CTNNA3: variants seen among roughly 807,000 people sequenced by gnomAD.
CTNNA3 encodes the protein catenin alpha 3.
Under a neutral mutation model 95.7 loss-of-function variants are expected in CTNNA3, and 76 were observed. The ratio of observed to expected loss-of-function variants is 0.79; its 90% CI spans 0.66 to 0.96. CTNNA3 has a LOEUF of 0.96. Among genes scored for constraint, CTNNA3 ranks in the 40% least tolerant of loss-of-function variants. The pLI, the probability that CTNNA3 is intolerant of heterozygous loss-of-function variation, is 0.00. For synonymous variants in CTNNA3, 431 were observed against 374.4 expected (o/e 1.15, Z -1.74); for missense variants, 1,191 against 1,089.8 (o/e 1.09, Z -1.31).
At chr10:67,755,543 T>C (rs1369070815) in intron 1 of CTNNA3, among the ~76,000 whole-genome samples, 3 of 151,916 alleles carry the variant, frequency 2.0e-5, no homozygotes, top group African/African-American at 7.3e-5. Context: ...GGCTCATGCC[T>C]GTAATCCCAG....
intron 9 of CTNNA3, among the ~76,000 whole-genome samples, chr10:66,753,489 C>A (rs1219457110): frequency 6.6e-6 from 1 of 151,906 alleles, no homozygotes; most frequent in African/African-American, 2.4e-5. Context: ...ATGGTGAAAC[C>A]CTGTCTCTAC....
At chr10:66,398,646 G>C (rs373187147) in intron 11 of CTNNA3, among the ~76,000 whole-genome samples, 6 of 151,464 alleles carry the variant, frequency 4.0e-5, no homozygotes, top group African/African-American at 1.2e-4. Flanking sequence ...GGAAAAGATA[G>C]ATAAAACATG....
chr10:66,029,191 A>G (rs2079403584), intron 15 of CTNNA3, among the ~76,000 whole-genome samples: 1 of 152,206 alleles, frequency 6.6e-6, no homozygotes, highest in East Asian at 1.9e-4. Flanking sequence ...TTTTACTTGG[A>G]TATTTGCTTC....
At chr10:66,336,682 C>A (rs995322857) in intron 12 of CTNNA3, among the ~76,000 whole-genome samples, 15 of 151,990 alleles carry the variant, frequency 9.9e-5, no homozygotes, top group African/African-American at 3.6e-4. Context: ...TTCACATCTA[C>A]TTACTTTCCA....
intron 7 of CTNNA3, among the ~76,000 whole-genome samples, chr10:66,857,122 T>G (rs1273276349): frequency 6.6e-6 from 1 of 152,156 alleles, no homozygotes; most frequent in East Asian, 1.9e-4. Flanking sequence ...CTTCTGCATA[T>G]GGCTAGCCAG....
chr10:67,662,006 C>G (rs1378821922), intron 1 of CTNNA3, among the ~76,000 whole-genome samples: 1 of 152,222 alleles, frequency 6.6e-6, no homozygotes. Flanking sequence ...TATACCCACT[C>G]TATAGCTCAG....
intron 15 of CTNNA3, among the ~76,000 whole-genome samples, chr10:66,007,189 T>C (rs536245766): frequency 1.3e-5 from 2 of 152,340 alleles, no homozygotes; most frequent in African/African-American, 4.8e-5. Flanking sequence ...TCTCAATTGA[T>C]TTACATGCTT....
intron 13 of CTNNA3, among the ~76,000 whole-genome samples, chr10:66,123,549 C>T (rs796843493): frequency 2.6e-5 from 4 of 152,296 alleles, no homozygotes; most frequent in African/African-American, 9.6e-5. Context: ...ATCCACTAGA[C>T]AGTGCCCCAG....
At chr10:66,175,134 A>G (rs1164029226) in intron 13 of CTNNA3, among the ~76,000 whole-genome samples, 1 of 152,026 alleles carries the variant, frequency 6.6e-6, no homozygotes, top group Non-Finnish European at 1.5e-5. Context: ...CAATGACCCT[A>G]TGTGGCAACT....
In CTNNA3 at chr10:66,164,838, A is replaced by G. The variant is rs537716821; in HGVS notation, c.1885-61589T>C. Reference sequence around the variant, plus strand: ...TATTCATCCTTCCAACACTGGTTCTATTTACATGAAATTGTATCATTTTAG... The same window carrying G: ...TATTCATCCTTCCAACACTGGTTCTGTTTACATGAAATTGTATCATTTTAG... On this transcript the variant is annotated intron_variant, in intron 13 of 17. Coordinates refer to ENST00000433211, the MANE Select transcript of CTNNA3 (RefSeq NM_013266.4). Among the ~76,000 whole-genome samples the G allele has an allele frequency of 5.3e-5, 8 of 152,258 alleles. No individual in the cohort carries two copies. In the East Asian group the frequency reaches 1.5e-3, roughly 29 times the overall value.
chr10:66,132,682 A>C (rs959587665), intron 13 of CTNNA3, among the ~76,000 whole-genome samples: 5 of 152,252 alleles, frequency 3.3e-5, no homozygotes, highest in Non-Finnish European at 7.3e-5. Flanking sequence ...AATAAAGAAA[A>C]TGCAGTACAT....
intron 2 of CTNNA3, among the ~76,000 whole-genome samples, chr10:67,609,859 G>A (rs74142851): frequency 1.1e-3 from 168 of 152,176 alleles, no homozygotes; most frequent in African/African-American, 3.8e-3. Context: ...GTGGCAGTTA[G>A]CAAAGCTCAT....
rs199799557 is a variant in CTNNA3, at chr10:66,379,142, A to T, written c.1732+10T>A. 2.5e-6 allele frequency: 4 copies of T among 1,608,418 alleles called. No homozygotes were observed. The East Asian group carries it at 8.9e-5, about 36-fold the overall frequency. On this transcript the variant is annotated intron_variant, in intron 12 of 17. Transcript: ENST00000433211. ...AGAAATTGTGCAGCTGTTATTGGCAACTGACTTACCAGTACTTGTAAGGAA... is the reference window on the plus strand; with the variant it reads ...AGAAATTGTGCAGCTGTTATTGGCATCTGACTTACCAGTACTTGTAAGGAA...
intron 6 of CTNNA3, among the ~76,000 whole-genome samples, chr10:67,182,591 G>T (rs1398073219): frequency 6.6e-6 from 1 of 152,000 alleles, no homozygotes; most frequent in Non-Finnish European, 1.5e-5. Flanking sequence ...AACCCTAGAA[G>T]AAAACCTAGG....
exon 1 of CTNNA3, among the ~76,000 whole-genome samples, chr10:67,763,503 T>G (rs550151576): frequency 6.6e-6 from 1 of 152,210 alleles, no homozygotes; most frequent in Non-Finnish European, 1.5e-5. Flanking sequence ...TTATGAAATG[T>G]ACCATTATGA....
intron 11 of CTNNA3, 118 bp downstream of exon 11, chr10:66,520,499 G>T: frequency 1.2e-6 from 1 of 814,366 alleles, no homozygotes; most frequent in Non-Finnish European, 1.8e-6. Flanking sequence ...TAATCCACCT[G>T]CCTCGGCTTC....
Position 66,685,204 on chromosome 10 carries a change from T to TATAC in CTNNA3, c.1282-63421_1282-63420insGTAT, listed in dbSNP as rs1227078064. Among the ~76,000 whole-genome samples, 6 of 42,474 alleles carry TATAC rather than the reference T, an allele frequency of 1.4e-4. No homozygotes were observed. In the Admixed American group the frequency reaches 1.9e-3, roughly 13 times the overall value. The allele number at this position is 42,474 out of a possible 152,430, so 27.9% of individuals were successfully genotyped here. On this transcript the variant is annotated intron_variant, in intron 9 of 17. Transcript: ENST00000433211. ...ATATATATATACGTGTATATATATA[T>TATAC]ACGTATATATATGTGTATATATATA...
chr10:66,080,194 C>T (rs574320303), intron 14 of CTNNA3, among the ~76,000 whole-genome samples: 1 of 152,120 alleles, frequency 6.6e-6, no homozygotes, highest in Admixed American at 6.6e-5. Context: ...TTCCCATAGG[C>T]CACTTTTCTT....
At chr10:66,763,487 T>G (rs1839704648) in intron 9 of CTNNA3, among the ~76,000 whole-genome samples, 1 of 152,040 alleles carries the variant, frequency 6.6e-6, no homozygotes, top group Admixed American at 6.6e-5. Flanking sequence ...AAAAAAAAAT[T>G]GTTACATCAT....
Sources: allele counts gnomAD v4.1 joint callset (sites outside exome capture counted in the v4.1 genomes callset), GRCh38; gene constraint gnomAD v4.1.1; transcripts MANE v1.5; gene names NCBI Gene and HGNC (gene_info 2026-07-23, HGNC 2026-07-21).